The following ENPP3 variants were observed in gnomAD, a reference collection of about 807,000 sequenced individuals.
ENPP3 encodes ectonucleotide pyrophosphatase/phosphodiesterase 3.
In ENPP3, 104 loss-of-function variants were observed where a neutral mutation model predicts 117.8. The ratio of observed to expected loss-of-function variants is 0.88; its 90% confidence interval spans 0.75 to 1.04. The LOEUF is 1.04. Among genes scored for constraint, ENPP3 ranks in the 50% least tolerant of loss-of-function variants. The probability of loss-of-function intolerance (pLI) is 0.00; values close to 1 mark genes in which losing one functional copy is unlikely to be tolerated. For synonymous variants in ENPP3, 380 were observed against 349.9 expected, an observed-to-expected ratio of 1.09 and a Z score of -0.96; for missense variants, 1,026 against 1,051.9, an observed-to-expected ratio of 0.98 and a Z score of 0.34.
chr6:131,675,357 C>G, intron 9 of ENPP3, 168 bp downstream of exon 9: 1 of 572,076 alleles, frequency 1.7e-6, no homozygotes, highest in Non-Finnish European at 3.1e-6. Context: ...TCAGTAAATG[C>G]TTTTGGCTGT....
intron 17 of ENPP3, 112 bp downstream of exon 17, chr6:131,720,491 G>A (rs1779991914): frequency 1.9e-6 from 1 of 523,108 alleles, no homozygotes; most frequent in Admixed American, 3.4e-5. Context: ...TAGTGAGAAG[G>A]CAGAAAGTAA....
At chr6:131,670,360 A>C (rs1424981212) in intron 6 of ENPP3, among the ~76,000 whole-genome samples, 1 of 152,260 alleles carries the variant, frequency 6.6e-6, no homozygotes, top group African/African-American at 2.4e-5. Flanking sequence ...GGCAGTGTAT[A>C]ATATAGAGTA....
chr6:131,650,275 A>G, intron 3 of ENPP3, 126 bp downstream of exon 3: 6 of 1,001,744 alleles, frequency 6.0e-6, no homozygotes, highest in Non-Finnish European at 9.1e-6. Context: ...GCTGGAGTGC[A>G]GTGGCATGAT....
intron 18 of ENPP3, 100 bp downstream of exon 18, chr6:131,722,505 C>A (rs909886163): frequency 2.2e-6 from 2 of 892,898 alleles, no homozygotes; most frequent in Non-Finnish European, 3.5e-6. Context: ...GTTTGTGTTC[C>A]GCCTTGGATA....
At chr6:131,674,419 C>A in intron 8 of ENPP3, 138 bp downstream of exon 8, 1 of 805,656 alleles carries the variant, frequency 1.2e-6, no homozygotes, top group Non-Finnish European at 2.1e-6. Context: ...AGGTGTTTTA[C>A]CACTATTTGT....
chr6:131,743,180 C>A (rs1303619319), intron 24 of ENPP3, among the ~76,000 whole-genome samples: 1 of 150,792 alleles, frequency 6.6e-6, no homozygotes, highest in Non-Finnish European at 1.5e-5. Flanking sequence ...CATGACTGAC[C>A]AGGAAATGTA....
At chr6:131,711,734 G>T (rs1294559265) in intron 15 of ENPP3, among the ~76,000 whole-genome samples, 1 of 111,026 alleles carries the variant, frequency 9.0e-6, no homozygotes, top group Admixed American at 1.0e-4. Flanking sequence ...ATTTGTTTTA[G>T]AATTCCATTT....
intron 12 of ENPP3, among the ~76,000 whole-genome samples, chr6:131,684,031 G>C (rs1329666441): frequency 6.6e-6 from 1 of 152,072 alleles, no homozygotes; most frequent in South Asian, 2.1e-4. Flanking sequence ...GATTACAGGA[G>C]TGCGCCACCG....
In ENPP3 at chr6:131,707,829, C is replaced by CA. The variant is rs1199817794; in HGVS notation, c.1413-10842dup. Among the ~76,000 whole-genome samples the CA allele has an allele frequency of 1.5e-5, 2 of 131,572 alleles. 1 individual carries two copies. Among genetic ancestry groups the CA allele is most frequent in the Non-Finnish European group, 3.0e-5 (2 of 65,860 alleles). 86.3% of individuals were successfully genotyped at this position (131,572 alleles called of 152,430 possible). The stretch of plus-strand genomic sequence containing the variant: ...TTGTGGCGAGTTTTAGGGCCTAGGA[C>CA]AGCTCTATCTTGCCAGGTGTTTCGT... On this transcript the variant is annotated intron_variant, in intron 15 of 24. Coordinates refer to ENST00000357639, the MANE Select transcript of ENPP3 (RefSeq NM_005021.5).
chr6:131,694,841 C>CAAAA (rs10535185), intron 15 of ENPP3, among the ~76,000 whole-genome samples: 1 of 97,540 alleles, frequency 1.0e-5, no homozygotes. Flanking sequence ...TTGATTCCAT[C>CAAAA]AAAAAAAAAA....
intron 21 of ENPP3, 73 bp from the exon 22 acceptor site, chr6:131,737,282 G>C: frequency 2.4e-6 from 2 of 829,156 alleles, no homozygotes; most frequent in Non-Finnish European, 4.0e-6. Flanking sequence ...ATATGTAATA[G>C]TAGTATGCCT....
intron 21 of ENPP3, among the ~76,000 whole-genome samples, chr6:131,735,378 C>T (rs375600897): frequency 2.6e-4 from 40 of 152,178 alleles, no homozygotes; most frequent in African/African-American, 9.4e-4. Context: ...AGTCTGAGAA[C>T]TACAAACACC....
rs143152563 is a variant in ENPP3, at chr6:131,678,672, C to T, written c.1011+732C>T. ...TGGAATGCAAGCATATTCGCTCTGG[C>T]AGCATGCCTTTGCAATTTCTCAGAA... is the stretch of plus-strand genomic sequence containing the variant. On this transcript the variant is annotated intron_variant, in intron 11 of 24. Transcript: ENST00000357639. 2.0e-5 allele frequency among the ~76,000 whole-genome samples: 3 copies of T among 152,344 alleles called. No homozygotes were observed. The East Asian group carries it at 5.8e-4, about 29-fold the overall frequency.
At chr6:131,693,183 T>C (rs1351274178) in intron 14 of ENPP3, among the ~76,000 whole-genome samples, 2 of 150,244 alleles carry the variant, frequency 1.3e-5, no homozygotes, top group Non-Finnish European at 3.0e-5. Context: ...TTAAATCAGA[T>C]TTTTTATTTT....
intron 6 of ENPP3, among the ~76,000 whole-genome samples, chr6:131,661,905 A>AT (rs1325965505): frequency 6.6e-6 from 1 of 152,112 alleles, no homozygotes; most frequent in Non-Finnish European, 1.5e-5. Flanking sequence ...GGTTTGATAT[A>AT]GTCCTACATG....
At chr6:131,728,720 T>G (rs1780209277) in intron 20 of ENPP3, among the ~76,000 whole-genome samples, 1 of 152,172 alleles carries the variant, frequency 6.6e-6, no homozygotes, top group African/African-American at 2.4e-5. Context: ...CCTTTAAGAT[T>G]TATAGAGCTT....
At chr6:131,685,668 G>A (rs1432455253) in intron 13 of ENPP3, among the ~76,000 whole-genome samples, 173 bp downstream of exon 13, 2 of 151,912 alleles carry the variant, frequency 1.3e-5, no homozygotes, top group Non-Finnish European at 2.9e-5. Context: ...TAAAGTCTAT[G>A]GTAATATCTA....
intron 17 of ENPP3, 134 bp from the exon 18 acceptor site, chr6:131,722,093 G>A: frequency 1.6e-6 from 1 of 631,354 alleles, no homozygotes; most frequent in Non-Finnish European, 2.7e-6. Context: ...ATGGCATATA[G>A]AGTACATAGC....
At chr6:131,713,719 G>T (rs1284875217) in intron 15 of ENPP3, among the ~76,000 whole-genome samples, 1 of 152,048 alleles carries the variant, frequency 6.6e-6, no homozygotes, top group African/African-American at 2.4e-5. Context: ...CTTATGATAG[G>T]ATTATGTTCC....
Sources: allele counts gnomAD v4.1 joint callset (sites outside exome capture counted in the v4.1 genomes callset), GRCh38; gene constraint gnomAD v4.1.1; transcripts MANE v1.5; gene names NCBI Gene and HGNC (gene_info 2026-07-23, HGNC 2026-07-21).